CFAP57: variants seen among roughly 807,000 people sequenced by gnomAD.
CFAP57 encodes cilia- and flagella-associated protein 57.
A neutral mutation model predicts 146.8 loss-of-function variants in CFAP57; 116 were observed. The ratio of observed to expected loss-of-function variants is 0.79; its 90% CI spans 0.68 to 0.92. CFAP57 has a LOEUF of 0.92. Among genes scored for constraint, CFAP57 ranks in the 40% least tolerant of loss-of-function variants. The pLI, the probability that CFAP57 is intolerant of heterozygous loss-of-function variation, is 0.00. For synonymous variants in CFAP57, 518 were observed against 552.8 expected (o/e 0.94, Z 0.88); for missense variants, 1,377 against 1,527.2 (o/e 0.90, Z 1.64).
Position 43,183,638 on chromosome 1 carries a change from T to C in CFAP57, c.522T>C (p.Asn174=). The C allele has an allele frequency of 6.2e-7, 1 of 1,614,194 alleles. No homozygotes were observed. Among genetic ancestry groups the C allele is most frequent in the Non-Finnish European group, 8.5e-7 (1 of 1,180,038 alleles). The change falls in exon 4 of 23, where the codon AAT becomes AAC. Residue 174 remains asparagine, a synonymous_variant. Coordinates refer to ENST00000372492, the MANE Select transcript of CFAP57 (RefSeq NM_001378189.1). ...QDNTQVCVTG[N]GMFKLLRFAE... is the part of the protein sequence containing the mutation. ...ACACTCAGGTGTGTGTCACTGGAAATGGGATGTTTAAGCTTCTCCGTTTTG... is the reference window on the plus strand; with the variant it reads ...ACACTCAGGTGTGTGTCACTGGAAACGGGATGTTTAAGCTTCTCCGTTTTG...
chr1:43,183,866 G>A lies in CFAP57; in HGVS notation c.750G>A (p.Gln250=), dbSNP rs373895095. The A allele has an allele frequency of 1.2e-6, 2 of 1,614,074 alleles. No individual in the cohort carries two copies. Among genetic ancestry groups the A allele is most frequent in the Middle Eastern group, 1.7e-4 (1 of 5,974 alleles). ...GCTCAAAGAGCCTGGATGTCATTCAGGAATCAGAGAGGTAATGGTGCTTCC... is the reference window on the plus strand; with the variant it reads ...GCTCAAAGAGCCTGGATGTCATTCAAGAATCAGAGAGGTAATGGTGCTTCC... ...TNGSKSLDVI[Q]ESESLIEFPP... Residue 250 remains glutamine (Q), a synonymous_variant, in exon 4 of 23, where the codon CAG becomes CAA. Transcript: ENST00000372492.
intron 12 of CFAP57, among the ~76,000 whole-genome samples, chr1:43,218,627 G>C (rs1644928063): frequency 6.6e-6 from 1 of 151,530 alleles, no homozygotes; most frequent in Non-Finnish European, 1.5e-5. Context: ...GAGAAAAAAA[G>C]GAAGAATAAG....
chr1:43,232,383 A>C (rs12075055), intron 18 of CFAP57, 125 bp from the exon 19 acceptor site: 30,587 of 728,132 alleles, frequency 0.042, 1,749 homozygotes, highest in African/African-American at 0.16. Context: ...AGGACACAGA[A>C]GGGGATGAGA....
chr1:43,228,119 T>C (rs1019975037), intron 18 of CFAP57, among the ~76,000 whole-genome samples: 2 of 152,134 alleles, frequency 1.3e-5, no homozygotes, highest in Admixed American at 1.3e-4. Context: ...CCATCCCACC[T>C]ACAGTAAAAT....
intron 22 of CFAP57, among the ~76,000 whole-genome samples, chr1:43,247,696 C>A (rs1163399621): frequency 2.0e-5 from 3 of 152,170 alleles, no homozygotes; most frequent in African/African-American, 4.8e-5. Flanking sequence ...ATTTTATTAT[C>A]TAAACTTTCT....
At chr1:43,241,641 T>A (rs193039316) in intron 21 of CFAP57, among the ~76,000 whole-genome samples, 9 of 152,246 alleles carry the variant, frequency 5.9e-5, no homozygotes, top group Admixed American at 1.3e-4. Flanking sequence ...GCAACTGCCT[T>A]TTCTGGTATA....
At chr1:43,221,990 G>A in intron 14 of CFAP57, 115 bp from the exon 15 acceptor site, 1 of 872,174 alleles carries the variant, frequency 1.1e-6, no homozygotes, top group Non-Finnish European at 1.6e-6. Flanking sequence ...TCTTGGCTCT[G>A]GAGGCAGCTG....
intron 16 of CFAP57, among the ~76,000 whole-genome samples, chr1:43,223,407 A>C (rs1271567149): frequency 6.6e-6 from 1 of 152,148 alleles, no homozygotes; most frequent in Non-Finnish European, 1.5e-5. Flanking sequence ...TGGTCCAGGG[A>C]GTCATGGGCG....
chr1:43,186,749 A>C lies in CFAP57; in HGVS notation c.1012A>C (p.Lys338Gln). The change falls in exon 6 of 23, where the codon AAA becomes CAA. Residue 338 changes from lysine to glutamine, a missense_variant. Transcript: ENST00000372492. ...PQSNDPSQSDKQDVLCLCFSP... is the reference protein window; with the variant it reads ...PQSNDPSQSDQQDVLCLCFSP... Reference sequence around the variant, plus strand: ...GAGCAATGATCCAAGTCAGTCTGACAAACAGGACGTTCTCTGCCTGTGCTT... The same window carrying C: ...GAGCAATGATCCAAGTCAGTCTGACCAACAGGACGTTCTCTGCCTGTGCTT... 6.2e-7 allele frequency: 1 copy of C among 1,614,210 alleles called. No homozygotes were observed. The highest frequency in any genetic ancestry group is 8.5e-7 in the Non-Finnish European group (1 of 1,180,044).
intron 21 of CFAP57, among the ~76,000 whole-genome samples, chr1:43,242,463 G>GGATA (rs1257195000): frequency 6.6e-6 from 1 of 151,980 alleles, no homozygotes; most frequent in African/African-American, 2.4e-5. Context: ...TTGGATGGAT[G>GGATA]GATGGATGGA....
chr1:43,232,417 G>A lies in CFAP57; in HGVS notation c.3010-91G>A, dbSNP rs367579175. ...GAAAAGAAATGCCCGGGTGTCAGGGGTGGCATCCCCACTGAAAGACTACAG... is the reference window on the plus strand; with the variant it reads ...GAAAAGAAATGCCCGGGTGTCAGGGATGGCATCCCCACTGAAAGACTACAG... On this transcript the variant is annotated intron_variant, in intron 18 of 22. Transcript: ENST00000372492. 2.2e-5 allele frequency: 23 copies of A among 1,026,752 alleles called. No individual in the cohort carries two copies. The African/African-American group carries it at 3.7e-4, about 16-fold the overall frequency. 63.6% of individuals were successfully genotyped at this position (1,026,752 alleles called of 1,614,324 possible).
intron 2 of CFAP57, among the ~76,000 whole-genome samples, chr1:43,179,390 A>G (rs1645299637): frequency 6.6e-6 from 1 of 152,212 alleles, no homozygotes; most frequent in African/African-American, 2.4e-5. Context: ...AAACTCTAAA[A>G]CCAGTCAACA....
intron 22 of CFAP57, among the ~76,000 whole-genome samples, chr1:43,252,920 T>TA (rs1472337345): frequency 3.3e-5 from 5 of 151,974 alleles, no homozygotes; most frequent in Non-Finnish European, 2.9e-5. Context: ...CCCAGAGAGA[T>TA]AAAGATATAG....
chr1:43,217,124 G>A (rs1300760821), intron 12 of CFAP57, among the ~76,000 whole-genome samples: 1 of 152,208 alleles, frequency 6.6e-6, no homozygotes. Context: ...AGAGGGATGA[G>A]GGAGTGGTGG....
At chr1:43,172,932 CAT>C in intron 2 of CFAP57, 22 bp downstream of exon 2, 1 of 1,604,654 alleles carries the variant, frequency 6.2e-7, no homozygotes, top group Non-Finnish European at 8.5e-7. Context: ...TCCATCCTGA[CAT>C]ATACAGGAAT....
In CFAP57 at chr1:43,199,599, T is replaced by C. The variant is rs1424872390; in HGVS notation, c.1542+96T>C. The C allele has an allele frequency of 1.7e-5, 18 of 1,080,814 alleles. No individual in the cohort carries two copies. The East Asian group carries it at 4.3e-4, about 26-fold the overall frequency. 67.0% of individuals were successfully genotyped at this position (1,080,814 alleles called of 1,614,324 possible). On this transcript the variant is annotated intron_variant, in intron 9 of 22. Transcript: ENST00000372492. ...AGGTGAACAAAAGAGAGATGGTTCC[T>C]TTCCTCATGGGTTCACTGTCTACTT... is the stretch of plus-strand genomic sequence containing the variant.
At chr1:43,214,121 G>A (rs1196019865) in intron 11 of CFAP57, among the ~76,000 whole-genome samples, 1 of 151,760 alleles carries the variant, frequency 6.6e-6, no homozygotes, top group African/African-American at 2.4e-5. Flanking sequence ...CCTGACCTCA[G>A]GTGATCCACC....
chr1:43,187,395 C>T (rs1225386825), intron 6 of CFAP57, among the ~76,000 whole-genome samples: 1 of 152,002 alleles, frequency 6.6e-6, no homozygotes. Flanking sequence ...CAAATCTGGG[C>T]AGAACAAGGA....
At position 43,227,029 on chromosome 1, in the gene CFAP57, A is replaced by G. The variant is rs1263865340; in HGVS notation, c.2912A>G (p.Lys971Arg). The part of the protein sequence containing the change: ...DLKKKNQELG[K>R]FKFVLDYKIK... ...AAAAAGAAAAATCAAGAACTAGGGA[A>G]ATTCAAGTTTGTGCTTGACTACAAA... Residue 971 changes from lysine (K) to arginine (R), a missense_variant, in exon 18 of 23, where the codon AAA becomes AGA. Coordinates refer to ENST00000372492, the MANE Select transcript of CFAP57 (RefSeq NM_001378189.1). 1 of 1,536,488 alleles carries G rather than the reference A, an allele frequency of 6.5e-7. No individual in the cohort carries two copies.
Sources: gnomAD v4.1 joint callset for allele counts (sites outside exome capture counted in the v4.1 genomes callset) on GRCh38, gnomAD v4.1.1 for gene constraint, MANE v1.5 for transcripts, NCBI Gene and HGNC (gene_info 2026-07-23, HGNC 2026-07-21) for gene names.